The following COL24A1 variants were observed in gnomAD, a reference collection of about 807,000 sequenced individuals.
COL24A1 encodes the protein collagen alpha-1(XXIV) chain.
Under a neutral mutation model 253.9 loss-of-function variants are expected in COL24A1, and 224 were observed. The observed-to-expected ratio is 0.88, with a 90% CI of 0.79 to 0.99. COL24A1 has a LOEUF of 0.99. Ranked by LOEUF, COL24A1 falls within the 50% of genes least tolerant of loss-of-function variation. COL24A1 has a pLI of 0.00. For missense variants in COL24A1, 2,131 were observed against 2,068.5 expected (o/e 1.03, Z -0.59); for synonymous variants, 685 against 673.7 (o/e 1.02, Z -0.26).
rs778722075 is a variant in COL24A1 at position 85,734,906 on chromosome 1, G to C, written c.4841C>G (p.Ala1614Gly). The change falls in exon 59 of 60, where the codon GCC (alanine) becomes GGC (glycine). Residue 1614 changes from alanine to glycine, a missense_variant. Ala to Gly is a moderately conservative substitution (Grantham distance 60, BLOSUM62 0). Transcript: ENST00000370571. ...ACAGTGAATGGTGATGATATGGGTG[G>C]CTTCCGAACTCAGTAAATGAAGGAA... ...MNFLHLLSSE[A>G]THIITIHCLN... 6.2e-7 allele frequency: 1 copy of C among 1,614,178 alleles called. No homozygotes were observed. Among genetic ancestry groups the C allele is most frequent in the Non-Finnish European group, 8.5e-7 (1 of 1,180,022 alleles).
At chr1:86,118,593 G>A (rs1436831189) in intron 3 of COL24A1, among the ~76,000 whole-genome samples, 12 of 151,928 alleles carry the variant, frequency 7.9e-5, no homozygotes, top group Admixed American at 7.9e-4. Flanking sequence ...AGCCCTCCTG[G>A]AGTTTGCAGT....
chr1:85,937,868 C>A lies in COL24A1; in HGVS notation c.2562+23381G>T, dbSNP rs998822926. ...ATGGGTGGCCTTCCCCACACTGAGG[C>A]CTCAATTAGTACCAGTATTTAGTAG... is the stretch of plus-strand genomic sequence containing the variant. On this transcript the variant is annotated intron_variant, in intron 24 of 59. Transcript: ENST00000370571. Among the ~76,000 whole-genome samples the A allele has an allele frequency of 7.5e-5, 11 of 147,364 alleles. 1 individual carries two copies. Among genetic ancestry groups the A allele is most frequent in the African/African-American group, 2.7e-4 (11 of 40,128 alleles).
intron 24 of COL24A1, among the ~76,000 whole-genome samples, chr1:85,915,731 T>A (rs1273324278): frequency 2.0e-5 from 3 of 152,140 alleles, no homozygotes; most frequent in African/African-American, 7.2e-5. Flanking sequence ...TCACTGCAAC[T>A]TCAGCCTCCT....
rs143074674 is a variant in COL24A1 at position 85,886,017 on chromosome 1, G to C, written c.2976+3543C>G. Among the ~76,000 whole-genome samples, 919 of 149,978 alleles carry C rather than the reference G, an allele frequency of 6.1e-3. 4 individuals carry two copies. Among genetic ancestry groups the C allele is most frequent in the Non-Finnish European group, 0.01 (688 of 67,904 alleles). On this transcript the variant is annotated intron_variant, in intron 32 of 59. Coordinates refer to ENST00000370571, the MANE Select transcript of COL24A1 (RefSeq NM_152890.7). ...ATTATGATTTTTAAATCTTTTTTAG[G>C]GGGGAGACTGGATTCAGCTAGAAGC...
intron 19 of COL24A1, among the ~76,000 whole-genome samples, chr1:85,989,759 G>A (rs530808626): frequency 7.2e-4 from 110 of 152,112 alleles, no homozygotes; most frequent in African/African-American, 2.2e-3. Flanking sequence ...TTCAATTCTG[G>A]GCTTTTGCAT....
At chr1:86,061,809 G>A (rs6682503) in intron 8 of COL24A1, among the ~76,000 whole-genome samples, 34,932 of 151,808 alleles carry the variant, frequency 0.23, 4,264 homozygotes, top group Middle Eastern at 0.34. Context: ...GGCTCACTCA[G>A]ATCTGCAGAT....
chr1:86,142,337 C>A (rs2102394768), intron 2 of COL24A1, among the ~76,000 whole-genome samples: 1 of 151,798 alleles, frequency 6.6e-6, no homozygotes, highest in Non-Finnish European at 1.5e-5. Context: ...TCCTGGCTAA[C>A]ACGGTGAAAC....
At chr1:85,789,896 G>A (rs1670084841) in intron 47 of COL24A1, among the ~76,000 whole-genome samples, 1 of 152,178 alleles carries the variant, frequency 6.6e-6, no homozygotes, top group African/African-American at 2.4e-5. Flanking sequence ...TCCCGGGGGT[G>A]AAGCCAACTT....
chr1:85,856,995 G>T (rs1224867765), intron 37 of COL24A1, among the ~76,000 whole-genome samples: 1 of 152,082 alleles, frequency 6.6e-6, no homozygotes, highest in Non-Finnish European at 1.5e-5. Context: ...AGAGAAGCAT[G>T]GAGGTTTTGT....
At chr1:85,829,287 G>T (rs1364881672) in intron 43 of COL24A1, among the ~76,000 whole-genome samples, 1 of 152,028 alleles carries the variant, frequency 6.6e-6, no homozygotes, top group Non-Finnish European at 1.5e-5. Flanking sequence ...TCTGCCAAGA[G>T]ATCTGCTCTT....
intron 33 of COL24A1, among the ~76,000 whole-genome samples, chr1:85,876,397 C>T (rs1193555526): frequency 2.0e-5 from 3 of 152,006 alleles, no homozygotes; most frequent in Non-Finnish European, 4.4e-5. Context: ...AGAGGAAGAA[C>T]AGTGGGACAG....
At chr1:86,115,501 A>ATT in intron 3 of COL24A1, 123 bp from the exon 4 acceptor site, 1 of 870,576 alleles carries the variant, frequency 1.1e-6, no homozygotes. Flanking sequence ...GCTGGTGATG[A>ATT]TTTTTAAGTA....
At chr1:85,969,847 A>T (rs1691968576) in intron 22 of COL24A1, among the ~76,000 whole-genome samples, 1 of 152,156 alleles carries the variant, frequency 6.6e-6, no homozygotes, top group South Asian at 2.1e-4. Flanking sequence ...CTGATGAAAA[A>T]ATTGGCAGAA....
intron 24 of COL24A1, among the ~76,000 whole-genome samples, chr1:85,960,186 T>C (rs1690881261): frequency 6.6e-6 from 1 of 152,178 alleles, no homozygotes; most frequent in Non-Finnish European, 1.5e-5. Context: ...AATTAATTAT[T>C]TAAGCCTATA....
chr1:86,123,256 G>A, intron 3 of COL24A1, among the ~76,000 whole-genome samples: 1 of 151,778 alleles, frequency 6.6e-6, no homozygotes, highest in Admixed American at 6.6e-5. Flanking sequence ...TTAGAGCCTA[G>A]GTCATAACTA....
At chr1:86,113,239 G>A (rs11161739) in intron 4 of COL24A1, among the ~76,000 whole-genome samples, 78,904 of 151,354 alleles carry the variant, frequency 0.52, 21,347 homozygotes, top group Non-Finnish European at 0.62. Flanking sequence ...ATCCTGCAAG[G>A]TTATTATTTT....
intron 10 of COL24A1, among the ~76,000 whole-genome samples, chr1:86,053,166 AATC>A (rs1191901131): frequency 6.6e-6 from 1 of 152,102 alleles, no homozygotes; most frequent in African/African-American, 2.4e-5. Flanking sequence ...ACATTTTCAG[AATC>A]ATCTGTTGAT....
At chr1:85,916,123 T>C (rs987151934) in intron 24 of COL24A1, among the ~76,000 whole-genome samples, 1 of 152,192 alleles carries the variant, frequency 6.6e-6, no homozygotes, top group African/African-American at 2.4e-5. Flanking sequence ...TATAAAATTA[T>C]TAGCTTCAGA....
chr1:86,025,257 C>G (rs1480379245), intron 14 of COL24A1, among the ~76,000 whole-genome samples: 4 of 152,162 alleles, frequency 2.6e-5, no homozygotes, highest in Non-Finnish European at 5.9e-5. Flanking sequence ...AGAAGAAATA[C>G]TTTCATGCGT....
Sources: allele counts gnomAD v4.1 joint callset (sites outside exome capture counted in the v4.1 genomes callset), GRCh38; gene constraint gnomAD v4.1.1; transcripts MANE v1.5; gene names NCBI Gene and HGNC (gene_info 2026-07-23, HGNC 2026-07-21).